Variants in PPIL4 observed in about 807,000 individuals in gnomAD.
PPIL4 encodes the protein peptidylprolyl isomerase like 4.
In PPIL4, 50 loss-of-function variants were observed where a neutral mutation model predicts 69.1. The observed-to-expected ratio is 0.72, with a 90% CI of 0.58 to 0.92. The LOEUF (loss-of-function observed/expected upper bound fraction) is 0.92, where lower values mean the gene tolerates loss of function less well. PPIL4 is among the 40% of genes least tolerant of loss of function. PPIL4 has a pLI of 0.00. For synonymous variants in PPIL4, 193 were observed against 191.6 expected, an observed-to-expected ratio of 1.01 and a Z score of -0.06; for missense variants, 480 against 587.9, an observed-to-expected ratio of 0.82 and a Z score of 1.90.
At position 149,505,703 on chromosome 6, in the gene PPIL4, T is replaced by G; in HGVS notation, c.1229A>C (p.Asp410Ala). 1 of 1,609,694 alleles carries G rather than the reference T, an allele frequency of 6.2e-7. No homozygotes were observed. The highest frequency in any genetic ancestry group is 8.5e-7 in the Non-Finnish European group (1 of 1,177,628). The change falls in exon 13 of 13, where the codon GAT (aspartate) becomes GCT (alanine). Residue 410 changes from aspartate to alanine, a missense_variant and splice_region_variant. Coordinates refer to ENST00000253329, the MANE Select transcript of PPIL4 (RefSeq NM_139126.4). ...DYMPIKNTNQ[D>A]IYREMGFGHY... The stretch of plus-strand genomic sequence containing the variant: ...ACCAAACCCCATTTCTCTATAGATA[T>G]CCTGTCAAAGGAAGGGGGAATTACA...
chr6:149,526,452 G>C (rs1348321034), intron 8 of PPIL4, among the ~76,000 whole-genome samples, 200 bp downstream of exon 8: 1 of 151,578 alleles, frequency 6.6e-6, no homozygotes, highest in Non-Finnish European at 1.5e-5. Context: ...TTATTTATCT[G>C]TGTGTGTGTG....
Position 149,541,317 on chromosome 6 carries a change from G to A in PPIL4, c.203+50C>T, listed in dbSNP as rs182204718. ...TGTTCTGCCCTTCCAGAGGTTAAAAGTAAATAAATAAATAAATAAATAAAT... is the reference window on the plus strand; with the variant it reads ...TGTTCTGCCCTTCCAGAGGTTAAAAATAAATAAATAAATAAATAAATAAAT... On this transcript the variant is annotated intron_variant, in intron 3 of 12. Transcript: ENST00000253329. 322 of 757,276 alleles carry A rather than the reference G, an allele frequency of 4.3e-4. 1 individual carries two copies. The African/African-American group carries it at 5.5e-3, about 13-fold the overall frequency. The allele number at this position is 757,276 out of a possible 1,614,324, so 46.9% of individuals were successfully genotyped here.
chr6:149,531,363 CAAA>C (rs34176914), intron 7 of PPIL4, among the ~76,000 whole-genome samples: 4 of 65,850 alleles, frequency 6.1e-5, no homozygotes, highest in Non-Finnish European at 5.8e-5. Flanking sequence ...GATTCTGTCT[CAAA>C]AAAAAAAAAA....
intron 4 of PPIL4, among the ~76,000 whole-genome samples, chr6:149,540,520 CAGG>C (rs1432701171): frequency 2.6e-5 from 4 of 152,160 alleles, no homozygotes; most frequent in Admixed American, 6.5e-5. Context: ...AAGGCCGAGG[CAGG>C]AGAATTGCTT....
intron 11 of PPIL4, among the ~76,000 whole-genome samples, chr6:149,515,850 G>A (rs1282767786): frequency 1.3e-5 from 2 of 152,034 alleles, no homozygotes; most frequent in African/African-American, 4.8e-5. Flanking sequence ...AGGTCTAGTT[G>A]GGCCAAGTTA....
intron 12 of PPIL4, among the ~76,000 whole-genome samples, chr6:149,510,133 G>A (rs1776821146): frequency 3.3e-5 from 5 of 152,122 alleles, no homozygotes; most frequent in Admixed American, 2.6e-4. Flanking sequence ...GCCTGAAAAC[G>A]GGATGAGGCA....
intron 4 of PPIL4, among the ~76,000 whole-genome samples, chr6:149,540,268 T>A (rs904049149): frequency 3.9e-5 from 6 of 152,166 alleles, no homozygotes; most frequent in African/African-American, 1.4e-4. Context: ...TTGGGAGAAT[T>A]AAACAAGACA....
chr6:149,509,496 T>G (rs925603807), intron 12 of PPIL4, among the ~76,000 whole-genome samples: 24 of 151,964 alleles, frequency 1.6e-4, no homozygotes, highest in Non-Finnish European at 4.4e-5. Flanking sequence ...GAATTCAGAG[T>G]TTTTAGTGGA....
At chr6:149,512,637 A>G (rs1448199717) in intron 11 of PPIL4, among the ~76,000 whole-genome samples, 1 of 152,190 alleles carries the variant, frequency 6.6e-6, no homozygotes, top group Non-Finnish European at 1.5e-5. Flanking sequence ...ATAAATTCCA[A>G]TGCCCAGAAA....
rs773293940 is a variant in PPIL4, at chr6:149,534,784, T to G, written c.465-10A>C. On this transcript the variant is annotated splice_polypyrimidine_tract_variant and intron_variant, in intron 5 of 12. Coordinates refer to ENST00000253329, the MANE Select transcript of PPIL4 (RefSeq NM_139126.4). Reference sequence around the variant, plus strand: ...CACCGTATGATTTATCCTTACAAAATAAATCCAAATCAAATGTTATACATT... The same window carrying G: ...CACCGTATGATTTATCCTTACAAAAGAAATCCAAATCAAATGTTATACATT... 17 of 1,411,088 alleles carry G rather than the reference T, an allele frequency of 1.2e-5. No homozygotes were observed. The East Asian group carries it at 3.9e-4, about 33-fold the overall frequency. The allele number at this position is 1,411,088 out of a possible 1,614,324, so 87.4% of individuals were successfully genotyped here. A position where few individuals can be genotyped will look rare whatever the true frequency, so the allele number is the denominator to read the frequency against.
Position 149,540,984 on chromosome 6 carries a change from T to G in PPIL4, c.279A>C (p.Thr93=). ...CACTGCCATTATTCACCATGGACAC[T>G]GTGCCTTTCTTCTTGTGCTTAATTC... ...VPRIKHKKKG[T]VSMVNNGSDQ... is the part of the protein sequence containing the mutation. Residue 93 remains threonine (T), a synonymous_variant, in exon 4 of 13, where the codon ACA becomes ACC. Coordinates refer to ENST00000253329, the MANE Select transcript of PPIL4 (RefSeq NM_139126.4). The G allele has an allele frequency of 6.2e-7, 1 of 1,612,848 alleles. No homozygotes were observed. The highest frequency in any genetic ancestry group is 1.3e-5 in the African/African-American group (1 of 75,028).
intron 10 of PPIL4, among the ~76,000 whole-genome samples, chr6:149,518,181 A>T (rs1562257998): frequency 6.6e-6 from 1 of 152,180 alleles, no homozygotes; most frequent in Non-Finnish European, 1.5e-5. Flanking sequence ...CCAAGTGCCA[A>T]AAATCCCCTC....
At chr6:149,522,325 A>AT (rs1168372148) in intron 9 of PPIL4, among the ~76,000 whole-genome samples, 1 of 152,240 alleles carries the variant, frequency 6.6e-6, no homozygotes, top group Non-Finnish European at 1.5e-5. Flanking sequence ...TGATTCAAAA[A>AT]TAAATATTCA....
intron 7 of PPIL4, among the ~76,000 whole-genome samples, chr6:149,531,002 A>T (rs1009191253): frequency 6.6e-6 from 1 of 152,216 alleles, no homozygotes; most frequent in Non-Finnish European, 1.5e-5. Flanking sequence ...TCACTCACGT[A>T]CTATTTCGGC....
At chr6:149,511,569 C>T (rs1158090557) in intron 12 of PPIL4, among the ~76,000 whole-genome samples, 1 of 152,120 alleles carries the variant, frequency 6.6e-6, no homozygotes, top group Non-Finnish European at 1.5e-5. Flanking sequence ...GCCACCGTAC[C>T]CAGCCTGTAA....
intron 11 of PPIL4, among the ~76,000 whole-genome samples, chr6:149,516,796 G>C (rs1202277476): frequency 1.3e-5 from 2 of 152,038 alleles, no homozygotes; most frequent in Non-Finnish European, 2.9e-5. Flanking sequence ...TATACCGAAA[G>C]AAGTAACCTA....
intron 12 of PPIL4, among the ~76,000 whole-genome samples, chr6:149,511,338 G>A (rs899195094): frequency 3.3e-5 from 5 of 151,986 alleles, no homozygotes; most frequent in Non-Finnish European, 5.9e-5. Context: ...GGGCTCAAGC[G>A]ATCCTCTCAA....
intron 12 of PPIL4, among the ~76,000 whole-genome samples, chr6:149,510,952 C>T (rs1026129481): frequency 7.9e-5 from 12 of 151,966 alleles, no homozygotes; most frequent in Admixed American, 2.0e-4. Flanking sequence ...TGAAGTATTT[C>T]TCACTTTTCA....
At chr6:149,507,181 T>C (rs1351782791) in intron 12 of PPIL4, among the ~76,000 whole-genome samples, 1 of 152,230 alleles carries the variant, frequency 6.6e-6, no homozygotes, top group East Asian at 1.9e-4. Flanking sequence ...TGAATACCCA[T>C]GGTTAAGGAC....
Sources: allele counts gnomAD v4.1 joint callset (sites outside exome capture counted in the v4.1 genomes callset), GRCh38; gene constraint gnomAD v4.1.1; transcripts MANE v1.5; gene names NCBI Gene and HGNC (gene_info 2026-07-23, HGNC 2026-07-21).